The following AHCYL2 variants were observed in gnomAD, a reference collection of about 807,000 sequenced individuals.
AHCYL2 encodes the protein S-adenosylhomocysteine hydrolase-like protein 2.
Under a neutral mutation model 81.4 loss-of-function variants are expected in AHCYL2, and 28 were observed. That is an observed-to-expected ratio of 0.34 (90% CI 0.25 to 0.47). The LOEUF is 0.47. Among genes scored for constraint, AHCYL2 ranks in the 20% least tolerant of loss-of-function variants. AHCYL2 has a pLI of 1.00. For missense variants in AHCYL2, 551 were observed against 785.1 expected (o/e 0.70, Z 3.56); for synonymous variants, 272 against 290.2 (o/e 0.94, Z 0.64).
intron 1 of AHCYL2, among the ~76,000 whole-genome samples, chr7:129,302,316 A>G (rs1797283477): frequency 6.7e-6 from 1 of 149,686 alleles, no homozygotes; most frequent in Non-Finnish European, 1.5e-5. Flanking sequence ...AAACAAGGAT[A>G]ATGTGACTTC....
At chr7:129,281,687 AG>A (rs2150740439) in intron 1 of AHCYL2, among the ~76,000 whole-genome samples, 1 of 151,768 alleles carries the variant, frequency 6.6e-6, no homozygotes, top group African/African-American at 2.4e-5. Context: ...TTGTAGAGAT[AG>A]GGTTTTGCCA....
intron 1 of AHCYL2, among the ~76,000 whole-genome samples, chr7:129,328,897 A>G (rs989486967): frequency 2.0e-5 from 3 of 152,148 alleles, no homozygotes; most frequent in Admixed American, 6.5e-5. Context: ...TTGCCTAGAT[A>G]ATTTGTTTTT....
intron 1 of AHCYL2, among the ~76,000 whole-genome samples, chr7:129,261,544 T>TCA (rs1465637635): frequency 6.6e-6 from 1 of 152,224 alleles, no homozygotes; most frequent in African/African-American, 2.4e-5. Context: ...AATACTTTTG[T>TCA]CAAAAGTAAA....
chr7:129,271,347 C>T lies in AHCYL2; in HGVS notation c.363+45908C>T, dbSNP rs548032870. ...CTGCAATCCAGCCTGGGCAACAGAACGAGACTGTCTCCAAAAAAAAAAAAA... is the reference window on the plus strand; with the variant it reads ...CTGCAATCCAGCCTGGGCAACAGAATGAGACTGTCTCCAAAAAAAAAAAAA... On this transcript the variant is annotated intron_variant, in intron 1 of 16. Coordinates refer to ENST00000325006, the MANE Select transcript of AHCYL2 (RefSeq NM_015328.4). Among the ~76,000 whole-genome samples, 22 of 108,596 alleles carry T rather than the reference C, an allele frequency of 2.0e-4. No individual in the cohort carries two copies. The Admixed American group carries it at 2.0e-3, about 10-fold the overall frequency. 71.2% of individuals were successfully genotyped at this position (108,596 alleles called of 152,430 possible).
intron 2 of AHCYL2, among the ~76,000 whole-genome samples, 199 bp downstream of exon 2, chr7:129,379,948 C>T (rs1477274215): frequency 6.6e-6 from 1 of 152,162 alleles, no homozygotes; most frequent in Non-Finnish European, 1.5e-5. Flanking sequence ...TAATAGAGGC[C>T]TCCTCTTCCA....
At chr7:129,253,032 C>A (rs901800632) in intron 1 of AHCYL2, among the ~76,000 whole-genome samples, 1 of 151,986 alleles carries the variant, frequency 6.6e-6, no homozygotes, top group Non-Finnish European at 1.5e-5. Flanking sequence ...GATGGTGAAA[C>A]CCTGTCTCTA....
At chr7:129,235,430 TTC>T in intron 1 of AHCYL2, among the ~76,000 whole-genome samples, 2 of 152,018 alleles carry the variant, frequency 1.3e-5, no homozygotes, top group East Asian at 3.9e-4. Flanking sequence ...CTTCTTCTTC[TTC>T]TTTCTCTTGA....
intron 1 of AHCYL2, among the ~76,000 whole-genome samples, chr7:129,308,512 G>A (rs538590855): frequency 6.6e-6 from 1 of 152,328 alleles, no homozygotes; most frequent in East Asian, 1.9e-4. Context: ...TCAGTGATAT[G>A]TAGTTAAAAC....
At chr7:129,349,526 T>C (rs1371794465) in intron 1 of AHCYL2, among the ~76,000 whole-genome samples, 2 of 149,224 alleles carry the variant, frequency 1.3e-5, no homozygotes, top group Admixed American at 6.7e-5. Context: ...CACATGCCTG[T>C]AATCCCAGCT....
rs1227286649 is a variant in AHCYL2, at chr7:129,389,050, T to C, written c.476-6T>C. ...TTTCCGAGTGTTTTTTATTCTGTCATTCCAGCGGCTTCATATACAGATAGC... is the reference window on the plus strand; with the variant it reads ...TTTCCGAGTGTTTTTTATTCTGTCACTCCAGCGGCTTCATATACAGATAGC... On this transcript the variant is annotated splice_polypyrimidine_tract_variant and splice_region_variant and intron_variant, in intron 2 of 16. Transcript: ENST00000325006. The C allele has an allele frequency of 6.2e-7, 1 of 1,601,104 alleles. No homozygotes were observed. The highest frequency in any genetic ancestry group is 1.4e-5 in the African/African-American group (1 of 73,770).
At chr7:129,288,805 G>C (rs1009566519) in intron 1 of AHCYL2, among the ~76,000 whole-genome samples, 1 of 151,890 alleles carries the variant, frequency 6.6e-6, no homozygotes, top group Non-Finnish European at 1.5e-5. Context: ...GCCTTGTTCT[G>C]TCACCCAGGC....
intron 1 of AHCYL2, among the ~76,000 whole-genome samples, chr7:129,359,215 T>A (rs1793848283): frequency 6.6e-6 from 1 of 152,190 alleles, no homozygotes; most frequent in Non-Finnish European, 1.5e-5. Context: ...CTTGGACAAT[T>A]CTTAAAAATA....
rs1794590866 is a variant in AHCYL2, at chr7:129,234,990, A to G, written c.363+9551A>G. On this transcript the variant is annotated intron_variant, in intron 1 of 16. Coordinates refer to ENST00000325006, the MANE Select transcript of AHCYL2 (RefSeq NM_015328.4). ...CTTAAAGGAGTTTTCAGTACATGCT[A>G]TATGTGCTTTTTTCCTCTCATGAAT... Among the ~76,000 whole-genome samples the G allele has an allele frequency of 2.6e-5, 4 of 152,216 alleles. No homozygotes were observed. In the South Asian group the frequency reaches 8.3e-4, roughly 32 times the overall value.
chr7:129,355,002 C>T lies in AHCYL2; in HGVS notation c.364-24636C>T, dbSNP rs147669846. ...ATTTGTAACCCCAAATGAATACCCCCGATCCTTTTGGGATCATAGACATGC... is the reference window on the plus strand; with the variant it reads ...ATTTGTAACCCCAAATGAATACCCCTGATCCTTTTGGGATCATAGACATGC... On this transcript the variant is annotated intron_variant, in intron 1 of 16. Transcript: ENST00000325006. Among the ~76,000 whole-genome samples, 7 of 152,214 alleles carry T rather than the reference C, an allele frequency of 4.6e-5. No homozygotes were observed. The South Asian group carries it at 6.2e-4, about 14-fold the overall frequency.
At chr7:129,373,074 C>T (rs1035967590) in intron 1 of AHCYL2, among the ~76,000 whole-genome samples, 1 of 152,184 alleles carries the variant, frequency 6.6e-6, no homozygotes, top group South Asian at 2.1e-4. Context: ...ACAAAATCTT[C>T]AACCAGAGAA....
chr7:129,271,370 A>C lies in AHCYL2; in HGVS notation c.363+45931A>C, dbSNP rs991187095. 5.9e-5 allele frequency among the ~76,000 whole-genome samples: 9 copies of C among 152,024 alleles called. No homozygotes were observed. In the South Asian group the frequency reaches 6.2e-4, roughly 10 times the overall value. On this transcript the variant is annotated intron_variant, in intron 1 of 16. Coordinates refer to ENST00000325006, the MANE Select transcript of AHCYL2 (RefSeq NM_015328.4). ...AACGAGACTGTCTCCAAAAAAAAAAAAAAAAAAAAGAGTTTTAAAATAGAC... is the reference window on the plus strand; with the variant it reads ...AACGAGACTGTCTCCAAAAAAAAAACAAAAAAAAAGAGTTTTAAAATAGAC...
intron 1 of AHCYL2, among the ~76,000 whole-genome samples, chr7:129,315,965 C>G (rs1190112617): frequency 6.6e-6 from 1 of 152,140 alleles, no homozygotes; most frequent in Non-Finnish European, 1.5e-5. Context: ...AGAGGAGATG[C>G]AAGAGATCTG....
intron 1 of AHCYL2, among the ~76,000 whole-genome samples, chr7:129,320,222 G>A (rs1052191525): frequency 6.6e-6 from 1 of 152,070 alleles, no homozygotes; most frequent in Non-Finnish European, 1.5e-5. Context: ...TTTGTTGTAA[G>A]TGTTCTTTAT....
At chr7:129,295,096 A>G (rs1170065580) in intron 1 of AHCYL2, among the ~76,000 whole-genome samples, 1 of 152,244 alleles carries the variant, frequency 6.6e-6, no homozygotes, top group Non-Finnish European at 1.5e-5. Flanking sequence ...TCTGTCAATC[A>G]CAGTCATTTC....
Sources: allele counts gnomAD v4.1 joint callset (sites outside exome capture counted in the v4.1 genomes callset), GRCh38; gene constraint gnomAD v4.1.1; transcripts MANE v1.5; gene names NCBI Gene and HGNC (gene_info 2026-07-23, HGNC 2026-07-21).